The following VAT1L variants were observed in gnomAD, a reference collection of about 807,000 sequenced individuals.
The protein encoded by VAT1L is vesicle amine transport 1 like.
In VAT1L, 34 loss-of-function variants were observed where a neutral mutation model predicts 44.1. That is an observed-to-expected ratio of 0.77 (90% CI 0.59 to 1.03). The LOEUF (loss-of-function observed/expected upper bound fraction) is 1.03. VAT1L is among the 50% of genes least tolerant of loss of function. The pLI is 0.00. For synonymous variants in VAT1L, 253 were observed against 202.2 expected (o/e 1.25, Z -2.13); for missense variants, 615 against 538.8 (o/e 1.14, Z -1.40).
chr16:77,872,616 C>T (rs947829095), intron 4 of VAT1L, among the ~76,000 whole-genome samples: 12 of 152,166 alleles, frequency 7.9e-5, no homozygotes, highest in Admixed American at 2.6e-4. Context: ...GCCACAGTGG[C>T]TGCTTCCCAG....
intron 7 of VAT1L, among the ~76,000 whole-genome samples, chr16:77,930,122 C>T (rs1427547132): frequency 6.6e-6 from 1 of 152,152 alleles, no homozygotes; most frequent in East Asian, 1.9e-4. Flanking sequence ...TGAAACAAAC[C>T]ACCCACACCC....
At position 77,955,517 on chromosome 16, in the gene VAT1L, G is replaced by T. The variant is rs190618192; in HGVS notation, c.1078-16333G>T. Among the ~76,000 whole-genome samples the T allele has an allele frequency of 1.0e-3, 154 of 152,312 alleles. 1 individual carries two copies. The highest frequency in any genetic ancestry group is 3.6e-3 in the African/African-American group (150 of 41,578). ...AGGCGGGAAGATTGCTTGAGGTCAG[G>T]TGTTCGAGACCACCCTGGCCAATGT... On this transcript the variant is annotated intron_variant, in intron 7 of 8. Coordinates refer to ENST00000302536, the MANE Select transcript of VAT1L (RefSeq NM_020927.3).
At chr16:77,911,042 T>G (rs2017494770) in intron 7 of VAT1L, among the ~76,000 whole-genome samples, 1 of 152,212 alleles carries the variant, frequency 6.6e-6, no homozygotes, top group Non-Finnish European at 1.5e-5. Flanking sequence ...AACCACTACA[T>G]GCAAACATTT....
Position 77,963,117 on chromosome 16 carries a change from G to A in VAT1L, c.1078-8733G>A, listed in dbSNP as rs113180694. Among the ~76,000 whole-genome samples the A allele has an allele frequency of 9.9e-3, 1,511 of 152,214 alleles. 29 individuals carry two copies. Among genetic ancestry groups the A allele is most frequent in the African/African-American group, 0.035 (1,439 of 41,522 alleles). On this transcript the variant is annotated intron_variant, in intron 7 of 8. Coordinates refer to ENST00000302536, the MANE Select transcript of VAT1L (RefSeq NM_020927.3). Reference sequence around the variant, plus strand: ...ACAGACATCTGCCCTCAACCTTCACGGCAGTTCTATTAGGTGGGTGAGAAC... The same window carrying A: ...ACAGACATCTGCCCTCAACCTTCACAGCAGTTCTATTAGGTGGGTGAGAAC...
At chr16:77,819,168 G>C (rs572065707) in intron 2 of VAT1L, among the ~76,000 whole-genome samples, 32 of 152,236 alleles carry the variant, frequency 2.1e-4, no homozygotes, top group African/African-American at 7.0e-4. Context: ...TCTGGGAGCA[G>C]CCAGCCCTGT....
chr16:77,975,083 G>A (rs910356615), intron 8 of VAT1L, among the ~76,000 whole-genome samples: 3 of 151,562 alleles, frequency 2.0e-5, no homozygotes, highest in African/African-American at 7.3e-5. Context: ...TGACAGAAGA[G>A]GAAACAACTC....
intron 2 of VAT1L, among the ~76,000 whole-genome samples, chr16:77,822,046 G>A (rs1451284974): frequency 6.6e-6 from 1 of 152,210 alleles, no homozygotes. Flanking sequence ...AACAGGCACA[G>A]GGGCTGATCC....
At chr16:77,928,782 G>C (rs2017696878) in intron 7 of VAT1L, among the ~76,000 whole-genome samples, 1 of 151,566 alleles carries the variant, frequency 6.6e-6, no homozygotes, top group Admixed American at 6.6e-5. Context: ...GACTGTTGAA[G>C]TCTTCTAAGT....
intron 7 of VAT1L, among the ~76,000 whole-genome samples, chr16:77,909,797 T>A (rs1282767733): frequency 6.6e-6 from 1 of 152,144 alleles, no homozygotes; most frequent in Non-Finnish European, 1.5e-5. Context: ...ACATATCTGC[T>A]CAGTGGAGGA....
At chr16:77,864,441 C>T (rs555674707) in intron 4 of VAT1L, among the ~76,000 whole-genome samples, 14 of 149,130 alleles carry the variant, frequency 9.4e-5, no homozygotes, top group African/African-American at 3.6e-4. Flanking sequence ...TGTGCCCCCC[C>T]ACAAAAATAC....
chr16:77,921,622 T>G (rs964485958), intron 7 of VAT1L, among the ~76,000 whole-genome samples: 1 of 152,250 alleles, frequency 6.6e-6, no homozygotes, highest in Admixed American at 6.5e-5. Context: ...TGTGACTTAA[T>G]TTTATGTCTC....
chr16:77,884,776 G>T lies in VAT1L; in HGVS notation c.1051G>T (p.Val351Leu), dbSNP rs552928561. ...CAACCAGAAGAAGATCAAGCCTGTG[G>T]TGGACTCCTTGTGGGCTCTGGAGGA... ...LYNQKKIKPVVDSLWALEEVK... is the reference protein window; with the variant it reads ...LYNQKKIKPVLDSLWALEEVK... The change falls in exon 7 of 9, where the codon GTG (valine) becomes TTG (leucine). Residue 351 changes from valine to leucine, a missense_variant. Transcript: ENST00000302536. The surrounding 1 kb of genome is among the most constrained non-coding windows in gnomAD (Gnocchi z 4.5). The T allele has an allele frequency of 3.9e-5, 60 of 1,558,050 alleles. No homozygotes were observed. The South Asian group carries it at 5.4e-4, about 14-fold the overall frequency.
chr16:77,941,179 T>A (rs1316046669), intron 7 of VAT1L, among the ~76,000 whole-genome samples: 1 of 152,194 alleles, frequency 6.6e-6, no homozygotes, highest in Non-Finnish European at 1.5e-5. Flanking sequence ...GTACCTGGAA[T>A]AAGCAAAAGT....
At chr16:77,837,346 T>A (rs181192920) in intron 3 of VAT1L, among the ~76,000 whole-genome samples, 1 of 152,252 alleles carries the variant, frequency 6.6e-6, no homozygotes, top group Non-Finnish European at 1.5e-5. Flanking sequence ...AACCCCAGGC[T>A]CCCATGTTCA....
At chr16:77,915,852 T>C (rs2017546478) in intron 7 of VAT1L, among the ~76,000 whole-genome samples, 2 of 152,024 alleles carry the variant, frequency 1.3e-5, no homozygotes, top group South Asian at 4.1e-4. Context: ...GTGGAAGAGA[T>C]GGGAAAGTTA....
chr16:77,910,367 T>G (rs1312138472), intron 7 of VAT1L, among the ~76,000 whole-genome samples: 1 of 152,098 alleles, frequency 6.6e-6, no homozygotes, highest in African/African-American at 2.4e-5. Flanking sequence ...TTATACAGTA[T>G]CACTTCCTAA....
chr16:77,832,440 C>A (rs2016590385), intron 3 of VAT1L, among the ~76,000 whole-genome samples: 1 of 152,198 alleles, frequency 6.6e-6, no homozygotes, highest in Non-Finnish European at 1.5e-5. Context: ...ACAGCTGTAA[C>A]TTCCTCTAGT....
chr16:77,969,875 A>G (rs2018260392), intron 7 of VAT1L, among the ~76,000 whole-genome samples: 1 of 152,170 alleles, frequency 6.6e-6, no homozygotes, highest in African/African-American at 2.4e-5. Flanking sequence ...CTACTGAATT[A>G]TGTATTAGGG....
intron 7 of VAT1L, among the ~76,000 whole-genome samples, chr16:77,891,550 G>C (rs2017266148): frequency 6.6e-6 from 1 of 152,174 alleles, no homozygotes; most frequent in African/African-American, 2.4e-5. Flanking sequence ...GAAGGTCGCT[G>C]TCCAAATGCA....
Sources: gnomAD v4.1 joint callset for allele counts (sites outside exome capture counted in the v4.1 genomes callset) on GRCh38, gnomAD v4.1.1 for gene constraint, Gnocchi (gnomAD v3.1) non-coding constraint, MANE v1.5 for transcripts, NCBI Gene and HGNC (gene_info 2026-07-23, HGNC 2026-07-21) for gene names.